The following ARHGAP22 variants were observed in gnomAD, a reference collection of about 807,000 sequenced individuals.
ARHGAP22 encodes the protein rho GTPase-activating protein 22.
Under a neutral mutation model 59.1 loss-of-function variants are expected in ARHGAP22, and 48 were observed. The ratio of observed to expected loss-of-function variants is 0.81; its 90% CI spans 0.64 to 1.03. ARHGAP22 has a LOEUF of 1.03. ARHGAP22 is among the 50% of genes least tolerant of loss of function. ARHGAP22 has a pLI of 0.00. For missense variants in ARHGAP22, 1,015 were observed against 958.7 expected (o/e 1.06, Z -0.78); for synonymous variants, 445 against 416.4 (o/e 1.07, Z -0.84).
chr10:48,497,782 C>T (rs2051091795), intron 3 of ARHGAP22, among the ~76,000 whole-genome samples: 1 of 152,108 alleles, frequency 6.6e-6, no homozygotes, highest in Non-Finnish European at 1.5e-5. Flanking sequence ...ACTGCAAGGC[C>T]CAGGGGCTCA....
chr10:48,595,217 G>A (rs2059997849), intron 1 of ARHGAP22, among the ~76,000 whole-genome samples: 1 of 152,210 alleles, frequency 6.6e-6, no homozygotes, highest in South Asian at 2.1e-4. Flanking sequence ...AGAAGTCAAT[G>A]AGATTTTAAA....
chr10:48,558,117 C>A (rs1287162606), intron 2 of ARHGAP22, among the ~76,000 whole-genome samples: 1 of 152,132 alleles, frequency 6.6e-6, no homozygotes, highest in African/African-American at 2.4e-5. Context: ...TAAATGCCCT[C>A]CCCCTCCATG....
the ARHGAP22 span, chr10:48,439,052 T>G: frequency 6.6e-6 from 1 of 152,088 alleles, no homozygotes; most frequent in Non-Finnish European, 1.5e-5. Flanking sequence ...CTCATTACAG[T>G]TTATCCTGGT....
intron 1 of ARHGAP22, among the ~76,000 whole-genome samples, chr10:48,600,382 G>T (rs753307379): frequency 6.6e-6 from 1 of 152,136 alleles, no homozygotes; most frequent in Non-Finnish European, 1.5e-5. Context: ...TGACTGGGAA[G>T]ACACAGGAGA....
rs750234766 is a variant in ARHGAP22, at chr10:48,581,731, C to A, written c.234+1222G>T. Among the ~76,000 whole-genome samples, 5 of 152,326 alleles carry A rather than the reference C, an allele frequency of 3.3e-5. 1 individual carries two copies. Among genetic ancestry groups the A allele is most frequent in the African/African-American group, 1.2e-4 (5 of 41,578 alleles). On this transcript the variant is annotated intron_variant, in intron 2 of 9. Coordinates refer to ENST00000249601, the MANE Select transcript of ARHGAP22 (RefSeq NM_021226.4). ...AGGTAAGTGCCATTAAGTGCATTCACGTTGCTGTGAAACACTTTTGGTTTT... is the reference window on the plus strand; with the variant it reads ...AGGTAAGTGCCATTAAGTGCATTCAAGTTGCTGTGAAACACTTTTGGTTTT...
chr10:48,431,555 C>T, the ARHGAP22 span, among the ~76,000 whole-genome samples: 1 of 152,142 alleles, frequency 6.6e-6, no homozygotes, highest in Non-Finnish European at 1.5e-5. Context: ...GAGGAAACTT[C>T]TCAAAATTCA....
chr10:48,532,643 C>T (rs1360817450), intron 3 of ARHGAP22: 1 of 151,232 alleles, frequency 6.6e-6, no homozygotes, highest in Admixed American at 6.6e-5. Flanking sequence ...CCCAACCCCC[C>T]ACCCCATGAC....
intron 3 of ARHGAP22, among the ~76,000 whole-genome samples, chr10:48,507,666 T>C (rs986641221): frequency 3.3e-5 from 5 of 152,184 alleles, no homozygotes; most frequent in Non-Finnish European, 7.3e-5. Context: ...CAGTTTCATG[T>C]GTCCTCATGG....
chr10:48,575,452 C>T (rs7896935), intron 2 of ARHGAP22: 12,037 of 152,200 alleles, frequency 0.079, 593 homozygotes, highest in Non-Finnish European at 0.11. Context: ...GATAGGATGG[C>T]CTCTCTTTCT....
chr10:48,607,065 T>A (rs975504816), upstream of ARHGAP22, among the ~76,000 whole-genome samples: 1 of 151,976 alleles, frequency 6.6e-6, no homozygotes, highest in African/African-American at 2.4e-5. Context: ...GACACCAGGG[T>A]CACAGGGCAA....
At chr10:48,516,896 GCATA>G (rs1217658795) in intron 3 of ARHGAP22, among the ~76,000 whole-genome samples, 1 of 152,128 alleles carries the variant, frequency 6.6e-6, no homozygotes, top group Non-Finnish European at 1.5e-5. Context: ...ACAAAATGTG[GCATA>G]TTCATACTAT....
At chr10:48,466,229 C>G (rs1200412284) in intron 4 of ARHGAP22, among the ~76,000 whole-genome samples, 1 of 150,366 alleles carries the variant, frequency 6.7e-6, no homozygotes, top group Admixed American at 6.6e-5. Context: ...GTGTCCCCTC[C>G]GTAGTTCGGG....
chr10:48,604,214 G>A (rs2060545666), intron 1 of ARHGAP22, among the ~76,000 whole-genome samples: 1 of 152,084 alleles, frequency 6.6e-6, no homozygotes, highest in African/African-American at 2.4e-5. Context: ...GTCTGCTCCC[G>A]CATCCACCCG....
chr10:48,459,119 G>T (rs1346856485), intron 5 of ARHGAP22, among the ~76,000 whole-genome samples: 1 of 149,678 alleles, frequency 6.7e-6, no homozygotes, highest in Admixed American at 6.7e-5. Context: ...ATCCCCAAAC[G>T]GCCCTAGGCT....
intron 3 of ARHGAP22, among the ~76,000 whole-genome samples, chr10:48,505,798 C>G (rs553458009): frequency 1.8e-4 from 28 of 152,258 alleles, no homozygotes; most frequent in African/African-American, 6.5e-4. Context: ...GTAGCCAAGG[C>G]CTGTAAGGAG....
chr10:48,565,473 G>C (rs930728082), intron 2 of ARHGAP22, among the ~76,000 whole-genome samples: 2 of 152,294 alleles, frequency 1.3e-5, no homozygotes, highest in South Asian at 4.1e-4. Flanking sequence ...ATTTCCCCAG[G>C]TTTAGTGCCC....
At chr10:48,527,593 TTTAATGG>T (rs1394909122) in intron 3 of ARHGAP22, among the ~76,000 whole-genome samples, 1 of 152,076 alleles carries the variant, frequency 6.6e-6, no homozygotes, top group Non-Finnish European at 1.5e-5. Context: ...TGATGGATGG[TTTAATGG>T]TTAAATAAAC....
chr10:48,500,956 G>A (rs1391436437), intron 3 of ARHGAP22, among the ~76,000 whole-genome samples: 3 of 151,488 alleles, frequency 2.0e-5, no homozygotes, highest in African/African-American at 7.3e-5. Context: ...CTCAACCATG[G>A]GAGAAATTTT....
At chr10:48,567,984 C>T (rs2058154335) in intron 2 of ARHGAP22, among the ~76,000 whole-genome samples, 1 of 152,196 alleles carries the variant, frequency 6.6e-6, no homozygotes, top group Non-Finnish European at 1.5e-5. Flanking sequence ...AAAATCATAG[C>T]ACTAATTAAA....
Sources: allele counts gnomAD v4.1 joint callset (sites outside exome capture counted in the v4.1 genomes callset), GRCh38; gene constraint gnomAD v4.1.1; transcripts MANE v1.5; gene names NCBI Gene and HGNC (gene_info 2026-07-23, HGNC 2026-07-21).